CSF2RB: variants seen among roughly 807,000 people sequenced by gnomAD.
CSF2RB encodes the protein colony stimulating factor 2 receptor subunit beta, also known as cytokine receptor common subunit beta.
Under a neutral mutation model 67.2 loss-of-function variants are expected in CSF2RB, and 22 were observed. That is an observed-to-expected ratio of 0.33 (90% CI 0.23 to 0.47). CSF2RB has a LOEUF of 0.47. CSF2RB is among the 20% of genes least tolerant of loss of function. CSF2RB has a pLI of 1.00. For missense variants in CSF2RB, 1,113 were observed against 1,174.5 expected, an observed-to-expected ratio of 0.95 and a Z score of 0.76; for synonymous variants, 507 against 482.9, an observed-to-expected ratio of 1.05 and a Z score of -0.65.
intron 9 of CSF2RB, among the ~76,000 whole-genome samples, chr22:36,933,392 G>T (rs533788696): frequency 2.8e-4 from 43 of 152,294 alleles, no homozygotes; most frequent in African/African-American, 1.0e-3. Flanking sequence ...TAGAAATGGG[G>T]CAACTGAGGC....
rs182684555 is a variant in CSF2RB at position 36,925,796 on chromosome 22, C to G, written c.201-191C>G. On this transcript the variant is annotated intron_variant, in intron 3 of 13. Transcript: ENST00000403662. ...CACATGAAGTTCTCTCCACTGCACA[C>G]GCTACACACTTTGTTCCATGCGGGT... 4.7e-4 allele frequency among the ~76,000 whole-genome samples: 72 copies of G among 152,324 alleles called. No individual in the cohort carries two copies. The East Asian group carries it at 9.7e-3, about 20-fold the overall frequency.
Position 36,937,980 on chromosome 22 carries a change from G to T in CSF2RB, c.2172G>T (p.Gly724=), listed in dbSNP as rs770528213. 3 of 1,614,064 alleles carry T rather than the reference G, an allele frequency of 1.9e-6. No homozygotes were observed. The East Asian group carries it at 6.7e-5, about 36-fold the overall frequency. ...SADLVFTPNS[G]ASSVSLVPSL... ...ACCTGGTATTCACCCCAAACTCAGG[G>T]GCCTCGTCTGTCTCCCTAGTTCCCT... The change falls in exon 14 of 14, where the codon GGG becomes GGT. Residue 724 remains glycine (G), a synonymous_variant. Coordinates refer to ENST00000403662, the MANE Select transcript of CSF2RB (RefSeq NM_000395.3). This position sits in a 1 kb window ranked among gnomAD's most constrained non-coding sequence, Gnocchi z 4.6.
intron 6 of CSF2RB, 53 bp from the exon 7 acceptor site, chr22:36,930,322 G>A: frequency 6.2e-7 from 1 of 1,611,190 alleles, no homozygotes; most frequent in Non-Finnish European, 8.5e-7. Flanking sequence ...CACCCACTGA[G>A]AGCTATGGGA....
intron 10 of CSF2RB, 89 bp from the exon 11 acceptor site, chr22:36,935,262 A>C (rs1291936205): frequency 1.6e-6 from 2 of 1,226,596 alleles, no homozygotes; most frequent in South Asian, 2.5e-5. Context: ...GCGGGGTCTT[A>C]AGGAATACTG....
chr22:36,917,189 TC>T (rs1411786520), intron 1 of CSF2RB, among the ~76,000 whole-genome samples: 1 of 152,234 alleles, frequency 6.6e-6, no homozygotes, highest in Admixed American at 6.5e-5. Flanking sequence ...TATCCTTTTT[TC>T]CCTTTTAATC....
Position 36,923,272 on chromosome 22 carries a change from C to T in CSF2RB, c.105C>T (p.Cys35=). 1.2e-6 allele frequency: 2 copies of T among 1,614,206 alleles called. No individual in the cohort carries two copies. The highest frequency in any genetic ancestry group is 1.7e-6 in the Non-Finnish European group (2 of 1,180,034). The change falls in exon 3 of 14, where the codon TGC becomes TGT. Residue 35 remains cysteine (C), a synonymous_variant. Coordinates refer to ENST00000403662, the MANE Select transcript of CSF2RB (RefSeq NM_000395.3). ...EETIPLQTLR[C]YNDYTSHITC... is the part of the protein sequence containing the mutation. Reference sequence around the variant, plus strand: ...CCATCCCGCTGCAGACCCTGCGCTGCTACAACGACTACACCAGCCACATCA... The same window carrying T: ...CCATCCCGCTGCAGACCCTGCGCTGTTACAACGACTACACCAGCCACATCA...
At position 36,913,632 on chromosome 22, in the gene CSF2RB, T is replaced by A. The variant is rs2145757736; in HGVS notation, c.-218T>A. The stretch of plus-strand genomic sequence containing the variant: ...AATAGGAAACGTGGGAGGCTCACTC[T>A]GCCTAGAGGCTCCAGAAGAAGACTG... On this transcript the variant is annotated 5_prime_UTR_variant, in exon 1 of 14. Transcript: ENST00000403662. The A allele has an allele frequency of 6.6e-6, 1 of 152,394 alleles. No individual in the cohort carries two copies. Among genetic ancestry groups the A allele is most frequent in the South Asian group, 2.1e-4 (1 of 4,828 alleles). The allele number at this position is 152,394 out of a possible 1,614,324, so 9.4% of individuals were successfully genotyped here. A position where few individuals can be genotyped will look rare whatever the true frequency, so the allele number is the denominator to read the frequency against.
At chr22:36,921,628 C>G (rs1174806671) in intron 1 of CSF2RB, among the ~76,000 whole-genome samples, 1 of 152,020 alleles carries the variant, frequency 6.6e-6, no homozygotes, top group Non-Finnish European at 1.5e-5. Flanking sequence ...AGGGAACTGG[C>G]AAGCAGAGGG....
intron 7 of CSF2RB, 62 bp from the exon 8 acceptor site, chr22:36,930,611 A>G: frequency 6.2e-7 from 1 of 1,610,846 alleles, no homozygotes. Flanking sequence ...AGCCCACCCT[A>G]AGCTCTCCTC....
intron 6 of CSF2RB, 46 bp downstream of exon 6, chr22:36,929,853 G>T: frequency 3.1e-6 from 5 of 1,591,958 alleles, no homozygotes; most frequent in Non-Finnish European, 4.3e-6. Context: ...GGGAGGGCAG[G>T]CTCATCAGGA....
chr22:36,924,056 G>T (rs772745133), intron 3 of CSF2RB, among the ~76,000 whole-genome samples: 4 of 152,144 alleles, frequency 2.6e-5, no homozygotes, highest in African/African-American at 4.8e-5. Context: ...CAGAGAGGCA[G>T]ATGACAACCC....
chr22:36,930,223 C>A (rs1941118648), intron 6 of CSF2RB, 152 bp from the exon 7 acceptor site: 3 of 1,046,718 alleles, frequency 2.9e-6, no homozygotes, highest in South Asian at 1.3e-5. Flanking sequence ...AGCTGTTGGA[C>A]ACACAGCTGG....
chr22:36,919,355 T>G (rs1473375684), intron 1 of CSF2RB, among the ~76,000 whole-genome samples: 1 of 152,188 alleles, frequency 6.6e-6, no homozygotes, highest in Non-Finnish European at 1.5e-5. Context: ...TATATCTATC[T>G]TTTTCATTTG....
chr22:36,925,912 G>A, intron 3 of CSF2RB, 75 bp from the exon 4 acceptor site: 1 of 1,498,338 alleles, frequency 6.7e-7, no homozygotes, highest in Non-Finnish European at 9.3e-7. Context: ...CAGGCATGTG[G>A]TGAGCACTCG....
Position 36,935,343 on chromosome 22 carries a change from G to A in CSF2RB, c.1316-8G>A. 1 of 1,614,044 alleles carries A rather than the reference G, an allele frequency of 6.2e-7. No homozygotes were observed. Among genetic ancestry groups the A allele is most frequent in the Non-Finnish European group, 8.5e-7 (1 of 1,179,924 alleles). On this transcript the variant is annotated splice_polypyrimidine_tract_variant and splice_region_variant and intron_variant, in intron 10 of 13. Transcript: ENST00000403662. ...CTGACATTCCTCTTTCTCCCCGGCT[G>A]CTGGAAGTGCTGCCTATGTGGGTGC...
rs1366431630 is a variant in CSF2RB at position 36,913,671 on chromosome 22, C to T, written c.-179C>T. The T allele has an allele frequency of 1.3e-5, 2 of 152,264 alleles. No homozygotes were observed. The highest frequency in any genetic ancestry group is 4.8e-5 in the African/African-American group (2 of 41,352). The allele number at this position is 152,264 out of a possible 1,614,324, so 9.4% of individuals were successfully genotyped here. A position where few individuals can be genotyped will look rare whatever the true frequency, so the allele number is the denominator to read the frequency against. ...AGAAGAAGACTGGTCTCTCCCACCA[C>T]ACAGAGGTATGGCCCGGCGTCCAGG... On this transcript the variant is annotated 5_prime_UTR_variant, in exon 1 of 14. Coordinates refer to ENST00000403662, the MANE Select transcript of CSF2RB (RefSeq NM_000395.3).
In CSF2RB at chr22:36,938,100, G is replaced by C; in HGVS notation, c.2292G>C (p.Glu764Asp). The C allele has an allele frequency of 6.2e-7, 1 of 1,614,058 alleles. No homozygotes were observed. ...CAGGCCCTGTGAAGTCAGGGTTTGA[G>C]GGCTATGTGGAGCTCCCTCCAATTG... is the stretch of plus-strand genomic sequence containing the variant. ...GAPGPVKSGF[E>D]GYVELPPIEG... The change falls in exon 14 of 14, where the codon GAG becomes GAC. Residue 764 changes from glutamate (E) to aspartate (D), a missense_variant. Glu to Asp is a conservative substitution (Grantham distance 45). This residue lies in a region of CSF2RB where 554 missense variants were observed against 517.9 expected (regional missense o/e 1.07). Transcript: ENST00000403662.
intron 1 of CSF2RB, among the ~76,000 whole-genome samples, chr22:36,918,618 G>C (rs1169862925): frequency 6.6e-6 from 1 of 152,192 alleles, no homozygotes; most frequent in African/African-American, 2.4e-5. Flanking sequence ...TTTTAAAAAG[G>C]AGTCTTGTTC....
At position 36,938,290 on chromosome 22, in the gene CSF2RB, C is replaced by G; in HGVS notation, c.2482C>G (p.Leu828Val). ...GGGCGACTATTGCTTCCTCCCCGGCCTGGGGCCCGGCCCTCTCTCGCTCCG... is the reference window on the plus strand; with the variant it reads ...GGGCGACTATTGCTTCCTCCCCGGCGTGGGGCCCGGCCCTCTCTCGCTCCG... ...QVGDYCFLPG[L>V]GPGPLSLRSK... is the part of the protein sequence containing the mutation. Residue 828 changes from leucine (L) to valine (V), a missense_variant, in exon 14 of 14, where the codon CTG (leucine) becomes GTG (valine). Transcript: ENST00000403662. 3 of 1,614,242 alleles carry G rather than the reference C, an allele frequency of 1.9e-6. No homozygotes were observed. Among genetic ancestry groups the G allele is most frequent in the Non-Finnish European group, 2.5e-6 (3 of 1,180,038 alleles).
Sources: allele counts gnomAD v4.1 joint callset (sites outside exome capture counted in the v4.1 genomes callset), GRCh38; gene constraint gnomAD v4.1.1; regional missense constraint gnomAD v4.1.1; non-coding constraint Gnocchi (gnomAD v3.1); transcripts MANE v1.5; gene names NCBI Gene and HGNC (gene_info 2026-07-23, HGNC 2026-07-21).